ZAP70: variants seen among roughly 807,000 people sequenced by gnomAD.
ZAP70 encodes the protein zeta chain of T cell receptor associated protein kinase 70.
In ZAP70, 27 loss-of-function variants were observed where a neutral mutation model predicts 65.8. The ratio of observed to expected loss-of-function variants is 0.41; its 90% CI spans 0.30 to 0.57. The LOEUF (loss-of-function observed/expected upper bound fraction) is 0.57. Ranked by LOEUF, ZAP70 falls within the 20% of genes least tolerant of loss-of-function variation. The pLI is 0.28. For missense variants in ZAP70, 696 were observed against 870.5 expected (o/e 0.80, Z 2.52); for synonymous variants, 363 against 360.8 (o/e 1.01, Z -0.07).
chr2:97,749,393 T>C, the ZAP70 span, among the ~76,000 whole-genome samples: 1 of 152,122 alleles, frequency 6.6e-6, no homozygotes, highest in Non-Finnish European at 1.5e-5. Context: ...ATGGGAGTGC[T>C]TTTCCCAAAA....
At chr2:97,740,453 C>T (rs988646945), downstream of ZAP70, among the ~76,000 whole-genome samples, 3 of 152,110 alleles carry the variant, frequency 2.0e-5, no homozygotes, top group Non-Finnish European at 2.9e-5. Flanking sequence ...ATTTGTGAGT[C>T]GCTGAACGAC....
rs200513049 is a variant in ZAP70, at chr2:97,738,040, C to A, written c.1669C>A (p.Arg557=). 2 of 1,612,734 alleles carry A rather than the reference C, an allele frequency of 1.2e-6. No individual in the cohort carries two copies. The highest frequency in any genetic ancestry group is 1.7e-6 in the Non-Finnish European group (2 of 1,179,410). The change falls in exon 13 of 14, where the codon CGG becomes AGG. Residue 557 remains arginine (R), a synonymous_variant. Coordinates refer to ENST00000264972, the MANE Select transcript of ZAP70 (RefSeq NM_001079.4). ...EVMAFIEQGK[R]MECPPECPPE... is the part of the protein sequence containing the mutation. ...CATGGCCTTCATCGAGCAGGGCAAG[C>A]GGATGGAGTGCCCACCAGAGTGTCC... is the stretch of plus-strand genomic sequence containing the variant.
rs1034658071 is a variant in ZAP70, at chr2:97,737,241, G to A, written c.1290-232G>A. 1.3e-5 allele frequency among the ~76,000 whole-genome samples: 2 copies of A among 152,136 alleles called. No individual in the cohort carries two copies. Among genetic ancestry groups the A allele is most frequent in the Admixed American group, 6.5e-5 (1 of 15,286 alleles). ...AGGCATAGGTCTAGACTTGGGAGTC[G>A]TAGCGTGTGGGTGATCCCTAAAGCC... On this transcript the variant is annotated intron_variant, in intron 10 of 13. Transcript: ENST00000264972. This position sits in a 1 kb window ranked among gnomAD's most constrained non-coding sequence, Gnocchi z 5.0.
chr2:97,737,779 C>T lies in ZAP70; in HGVS notation c.1505C>T (p.Pro502Leu), dbSNP rs1677964042. Residue 502 changes from proline (P) to leucine (L), a missense_variant, in exon 12 of 14, where the codon CCG becomes CTG. By Grantham distance (98) the Pro-to-Leu change is moderately conservative. Transcript: ENST00000264972. This position sits in a 1 kb window ranked among gnomAD's most constrained non-coding sequence, Gnocchi z 5.0. The stretch of plus-strand genomic sequence containing the variant: ...CAGGCCCGCTCAGCAGGGAAGTGGC[C>T]GCTCAAGTGGTACGCACCCGAATGC... ...YYTARSAGKW[P>L]LKWYAPECIN... 2 of 1,614,136 alleles carry T rather than the reference C, an allele frequency of 1.2e-6. No homozygotes were observed. The highest frequency in any genetic ancestry group is 1.7e-6 in the Non-Finnish European group (2 of 1,180,002).
downstream of ZAP70, among the ~76,000 whole-genome samples, chr2:97,741,339 CG>C (rs1678121689): frequency 6.6e-6 from 1 of 152,220 alleles, no homozygotes; most frequent in African/African-American, 2.4e-5. Context: ...AGCGCCCACG[CG>C]GACTCCCCTC....
At chr2:97,720,903 C>G (rs1677129645) in intron 2 of ZAP70, among the ~76,000 whole-genome samples, 1 of 152,222 alleles carries the variant, frequency 6.6e-6, no homozygotes, top group South Asian at 2.1e-4. Flanking sequence ...ACCTTCCTTT[C>G]AGCTCCAGAG....
intron 4 of ZAP70, among the ~76,000 whole-genome samples, chr2:97,725,652 A>G (rs1240428471): frequency 1.3e-5 from 2 of 152,226 alleles, no homozygotes; most frequent in Non-Finnish European, 2.9e-5. Flanking sequence ...TGGGGCAGGT[A>G]GACAAGAAAA....
chr2:97,746,306 A>C, the ZAP70 span, among the ~76,000 whole-genome samples: 3 of 152,224 alleles, frequency 2.0e-5, no homozygotes, highest in African/African-American at 2.4e-5. Context: ...TAGAAAGTTA[A>C]AATGACAAAT....
At chr2:97,745,344 A>T in the ZAP70 span, among the ~76,000 whole-genome samples, 4 of 152,184 alleles carry the variant, frequency 2.6e-5, no homozygotes. Context: ...TGGCCAAAAA[A>T]CCTTTTAATT....
At chr2:97,749,146 A>T in the ZAP70 span, among the ~76,000 whole-genome samples, 1 of 151,666 alleles carries the variant, frequency 6.6e-6, no homozygotes, top group African/African-American at 2.4e-5. Context: ...AGTAGCTGAG[A>T]CTACAGGCGC....
intron 4 of ZAP70, among the ~76,000 whole-genome samples, chr2:97,729,252 A>C (rs899115024): frequency 1.3e-5 from 2 of 152,240 alleles, no homozygotes; most frequent in African/African-American, 4.8e-5. Flanking sequence ...CTCATTTTAT[A>C]CATAAGGAAA....
At chr2:97,716,363 A>T (rs1676914333) in intron 2 of ZAP70, among the ~76,000 whole-genome samples, 1 of 152,224 alleles carries the variant, frequency 6.6e-6, no homozygotes. Context: ...ATGCTGGTAT[A>T]GGTAGGAGAA....
the ZAP70 span, among the ~76,000 whole-genome samples, chr2:97,749,811 C>T: frequency 3.3e-5 from 5 of 151,576 alleles, 1 homozygote; most frequent in Middle Eastern, 6.8e-3. Flanking sequence ...CCCAGGCTGG[C>T]GGTGGACCCA....
At chr2:97,716,424 G>A (rs1261956024) in intron 2 of ZAP70, among the ~76,000 whole-genome samples, 1 of 152,184 alleles carries the variant, frequency 6.6e-6, no homozygotes, top group African/African-American at 2.4e-5. Flanking sequence ...AGGGACAAAG[G>A]TACTATGTCA....
rs1677823439 is a variant in ZAP70 at position 97,735,317 on chromosome 2, A to G, written c.1150A>G (p.Met384Val). The G allele has an allele frequency of 1.2e-6, 2 of 1,614,036 alleles. No homozygotes were observed. Among genetic ancestry groups the G allele is most frequent in the African/African-American group, 2.7e-5 (2 of 74,942 alleles). Residue 384 changes from methionine to valine, a missense_variant, in exon 10 of 14, where the codon ATG (methionine) becomes GTG (valine). Met to Val is a conservative substitution (Grantham distance 21). Coordinates refer to ENST00000264972, the MANE Select transcript of ZAP70 (RefSeq NM_001079.4). ...GTEKADTEEM[M>V]REAQIMHQLD... ...GGAGAAGGCAGACACGGAAGAGATG[A>G]TGCGCGAGGCGCAGATCATGCACCA...
rs1370381457 is a variant in ZAP70, at chr2:97,724,409, G to A, written c.373G>A (p.Asp125Asn). The A allele has an allele frequency of 6.5e-7, 1 of 1,538,872 alleles. No homozygotes were observed. The change falls in exon 3 of 14, where the codon GAC (aspartate) becomes AAC (asparagine). Residue 125 changes from aspartate (D) to asparagine (N), a missense_variant. Coordinates refer to ENST00000264972, the MANE Select transcript of ZAP70 (RefSeq NM_001079.4). ...CTGCCTGCGAGACGCCATGGTGCGT[G>A]ACTACGTGCGCCAGACGTGGAAGCT... ...FDCLRDAMVR[D>N]YVRQTWKLEG...
In ZAP70 at chr2:97,732,972, C is replaced by A. The variant is rs76059124; in HGVS notation, c.653C>A (p.Ala218Glu). Residue 218 changes from alanine (A) to glutamate (E), a missense_variant, in exon 5 of 14, where the codon GCG becomes GAG. Ala to Glu is a moderately radical substitution (Grantham distance 107). Around this residue, in one of 3 missense-constraint regions of ZAP70, gnomAD observed 551 missense variants for 630.0 expected, o/e 0.87. Transcript: ENST00000264972. ...VYHYLISQDK[A>E]GKYCIPEGTK... ...CACTACCTCATCAGCCAAGACAAGG[C>A]GGGCAAGTACTGCATTCCCGAGGGC... 1 of 1,614,122 alleles carries A rather than the reference C, an allele frequency of 6.2e-7. No individual in the cohort carries two copies. Among genetic ancestry groups the A allele is most frequent in the Non-Finnish European group, 8.5e-7 (1 of 1,180,032 alleles).
the ZAP70 span, chr2:97,756,291 C>A: frequency 6.6e-6 from 1 of 152,098 alleles, no homozygotes; most frequent in South Asian, 2.1e-4. Context: ...GTGAGAAAAT[C>A]CTAATAAATA....
intron 2 of ZAP70, among the ~76,000 whole-genome samples, chr2:97,718,322 C>T (rs59134572): frequency 6.6e-6 from 1 of 152,176 alleles, no homozygotes; most frequent in South Asian, 2.1e-4. Flanking sequence ...ACAGCAGACA[C>T]TCCGGCTAGC....
Sources: gnomAD v4.1 joint callset for allele counts (sites outside exome capture counted in the v4.1 genomes callset) on GRCh38, gnomAD v4.1.1 for gene constraint, gnomAD v4.1.1 regional missense constraint, Gnocchi (gnomAD v3.1) non-coding constraint, MANE v1.5 for transcripts, NCBI Gene and HGNC (gene_info 2026-07-23, HGNC 2026-07-21) for gene names.